Variants in AXL observed in about 807,000 individuals in gnomAD.
The protein encoded by AXL is tyrosine-protein kinase receptor UFO.
In AXL, 52 loss-of-function variants were observed where a neutral mutation model predicts 104.5. The observed-to-expected ratio is 0.50, with a 90% CI of 0.40 to 0.63. AXL has a LOEUF of 0.63. Ranked by LOEUF, AXL falls within the 20% of genes least tolerant of loss-of-function variation. The pLI is 0.00. For missense variants in AXL, 1,024 were observed against 1,188.5 expected (o/e 0.86, Z 2.04); for synonymous variants, 455 against 473.7 (o/e 0.96, Z 0.51).
chr19:41,220,976 T>C (rs980224634), intron 2 of AXL, 118 bp downstream of exon 2: 11 of 1,298,518 alleles, frequency 8.5e-6, no homozygotes, highest in Non-Finnish European at 1.2e-5. Flanking sequence ...GAGCATGTGA[T>C]GGAACCTCTA....
rs1336744611 is a variant in AXL, at chr19:41,219,476, G to T, written c.84G>T (p.Arg28Ser). ...ALCGWACMAP[R>S]GTQAEESPFV... ...GCGGCTGGGCGTGCATGGCCCCCAG[G>T]GGTGAGTGATGGGGGCTCCTTGGGG... is the stretch of plus-strand genomic sequence containing the variant. The change falls in exon 1 of 20, where the codon AGG (arginine) becomes AGT (serine). Residue 28 changes from arginine to serine, a missense_variant and splice_region_variant. By Grantham distance (110) the Arg-to-Ser change is moderately radical (BLOSUM62 -1). This residue lies in a region of AXL where 124 missense variants were observed against 115.5 expected (regional missense o/e 1.07). Transcript: ENST00000301178. 3 of 1,603,136 alleles carry T rather than the reference G, an allele frequency of 1.9e-6. No homozygotes were observed. Among genetic ancestry groups the T allele is most frequent in the East Asian group, 2.3e-5 (1 of 44,378 alleles).
Position 41,239,679 on chromosome 19 carries a change from C to T in AXL, c.1286-15C>T. ...CTCTCTGAGCACATCTCCTCTCTGT[C>T]CTTTCTTCTCACAGGGCAAGCACAG... On this transcript the variant is annotated splice_polypyrimidine_tract_variant and intron_variant, in intron 9 of 19. Coordinates refer to ENST00000301178, the MANE Select transcript of AXL (RefSeq NM_021913.5). The T allele has an allele frequency of 6.2e-7, 1 of 1,614,154 alleles. No homozygotes were observed.
intron 4 of AXL, among the ~76,000 whole-genome samples, chr19:41,225,884 T>C (rs1268586704): frequency 6.6e-6 from 1 of 152,164 alleles, no homozygotes; most frequent in Non-Finnish European, 1.5e-5. Flanking sequence ...TCCGTTTGTG[T>C]GCGTCTGTCC....
chr19:41,225,981 G>A (rs1316334533), intron 4 of AXL, among the ~76,000 whole-genome samples: 1 of 152,196 alleles, frequency 6.6e-6, no homozygotes, highest in East Asian at 1.9e-4. Context: ...GTTGTGGGGG[G>A]ATGGTCAGGA....
intron 1 of AXL, chr19:41,220,432 G>A (rs1265704100): frequency 1.4e-5 from 8 of 562,306 alleles, no homozygotes; most frequent in South Asian, 6.2e-5. Context: ...CGGGATGGAC[G>A]CTAGATCCCA....
intron 17 of AXL, among the ~76,000 whole-genome samples, 199 bp from the exon 18 acceptor site, chr19:41,256,253 T>G (rs2034450896): frequency 1.3e-5 from 2 of 152,172 alleles, no homozygotes; most frequent in Non-Finnish European, 2.9e-5. Flanking sequence ...AGGAAGCCCT[T>G]TGTCCCATCC....
Position 41,221,212 on chromosome 19 carries a change from C to G in AXL, c.375C>G (p.Thr125=). The change falls in exon 3 of 20, where the codon ACC becomes ACG. Residue 125 remains threonine (T), a synonymous_variant. Transcript: ENST00000301178. ...GTTTGGTGTTTCTGGGACATCAGAC[C>G]TTCGTGTCCCAGCCTGGCTATGTTG... ...YQCLVFLGHQ[T]FVSQPGYVGL... is the part of the protein sequence containing the mutation. 6.2e-7 allele frequency: 1 copy of G among 1,614,044 alleles called. No individual in the cohort carries two copies. The highest frequency in any genetic ancestry group is 8.5e-7 in the Non-Finnish European group (1 of 1,180,002).
At chr19:41,238,739 G>A (rs887907880) in intron 8 of AXL, 130 bp downstream of exon 8, 3 of 1,324,266 alleles carry the variant, frequency 2.3e-6, no homozygotes, top group African/African-American at 3.0e-5. Flanking sequence ...GCACATTCAG[G>A]GAAGGTTCAC....
intron 10 of AXL, 58 bp downstream of exon 10, chr19:41,239,778 C>G: frequency 6.3e-7 from 1 of 1,589,238 alleles, no homozygotes; most frequent in East Asian, 2.2e-5. Context: ...AGTGGGGGCA[C>G]TGTCACCATG....
intron 18 of AXL, among the ~76,000 whole-genome samples, chr19:41,256,882 A>G (rs1046670451): frequency 2.0e-5 from 3 of 152,200 alleles, no homozygotes; most frequent in Non-Finnish European, 4.4e-5. Flanking sequence ...TTATGCGTGC[A>G]TGTGCGCACA....
intron 10 of AXL, among the ~76,000 whole-genome samples, chr19:41,240,376 G>GTGGA (rs34483903): frequency 0.45 from 67,428 of 149,252 alleles, 15,889 homozygotes; most frequent in African/African-American, 0.59. Context: ...GGGTAGATGG[G>GTGGA]TGGATGGATG....
chr19:41,238,774 G>A (rs1459969878), intron 8 of AXL, among the ~76,000 whole-genome samples, 165 bp downstream of exon 8: 2 of 152,214 alleles, frequency 1.3e-5, no homozygotes, highest in East Asian at 3.9e-4. Flanking sequence ...GAGAATAAGG[G>A]GGTCTAAGGG....
At chr19:41,237,485 C>T (rs1051993685) in intron 6 of AXL, among the ~76,000 whole-genome samples, 63 of 152,278 alleles carry the variant, frequency 4.1e-4, no homozygotes, top group Non-Finnish European at 5.9e-4. Flanking sequence ...CTCAAGTGAT[C>T]GCCCACCTTG....
At chr19:41,251,043 A>G (rs1015675502) in intron 14 of AXL, among the ~76,000 whole-genome samples, 1 of 152,192 alleles carries the variant, frequency 6.6e-6, no homozygotes, top group African/African-American at 2.4e-5. Flanking sequence ...TGGACCCTGG[A>G]GCCAGACTGC....
At chr19:41,239,776 C>T in intron 10 of AXL, 56 bp downstream of exon 10, 1 of 1,592,284 alleles carries the variant, frequency 6.3e-7, no homozygotes, top group Non-Finnish European at 8.6e-7. Flanking sequence ...CTAGTGGGGG[C>T]ACTGTCACCA....
intron 14 of AXL, 95 bp from the exon 15 acceptor site, chr19:41,252,256 G>GTGATGA (rs530798566): frequency 5.8e-5 from 59 of 1,021,934 alleles, no homozygotes; most frequent in East Asian, 1.9e-4. Context: ...ATGAAGATGA[G>GTGATGA]TGATGATGAT....
At chr19:41,231,951 A>AC (rs1555730089) in intron 6 of AXL, among the ~76,000 whole-genome samples, 4 of 149,768 alleles carry the variant, frequency 2.7e-5, no homozygotes, top group African/African-American at 1.0e-4. Context: ...AACAACAACA[A>AC]AAAAAATTTA....
intron 12 of AXL, among the ~76,000 whole-genome samples, chr19:41,247,950 T>G (rs2034298482): frequency 6.6e-6 from 1 of 151,578 alleles, no homozygotes; most frequent in Admixed American, 6.6e-5. Flanking sequence ...TGAGACGGAG[T>G]CTTGCCCTGT....
In AXL at chr19:41,239,793, C is replaced by G. The variant is rs910334672; in HGVS notation, c.1312+73C>G. ...AGTGGGGGCACTGTCACCATGCATA[C>G]TCATTGCACATCCCTTTCATGTTTC... On this transcript the variant is annotated intron_variant, in intron 10 of 19. Transcript: ENST00000301178. 72 of 1,555,896 alleles carry G rather than the reference C, an allele frequency of 4.6e-5. No homozygotes were observed. In the East Asian group the frequency reaches 1.6e-3, roughly 35 times the overall value.
Sources: gnomAD v4.1 joint callset for allele counts (sites outside exome capture counted in the v4.1 genomes callset) on GRCh38, gnomAD v4.1.1 for gene constraint, gnomAD v4.1.1 regional missense constraint, MANE v1.5 for transcripts, NCBI Gene and HGNC (gene_info 2026-07-23, HGNC 2026-07-21) for gene names.